Variants in RADIL observed in about 807,000 individuals in gnomAD.
RADIL encodes Rap associating with DIL domain.
A neutral mutation model predicts 97.6 loss-of-function variants in RADIL; 99 were observed. The ratio of observed to expected loss-of-function variants is 1.01; its 90% CI spans 0.86 to 1.20. The LOEUF (loss-of-function observed/expected upper bound fraction) is 1.20, where lower values mean the gene tolerates loss of function less well. RADIL is among the 50% of genes most tolerant of loss of function. The pLI is 0.00. For synonymous variants in RADIL, 803 were observed against 691.8 expected (o/e 1.16, Z -2.52); for missense variants, 1,765 against 1,498.9 (o/e 1.18, Z -2.93).
chr7:4,845,530 G>A (rs1783545282), intron 2 of RADIL, among the ~76,000 whole-genome samples: 1 of 152,196 alleles, frequency 6.6e-6, no homozygotes, highest in African/African-American at 2.4e-5. Flanking sequence ...ACACCAGAAT[G>A]AAAAGCACCA....
At chr7:4,853,506 G>A (rs1489454152) in intron 2 of RADIL, among the ~76,000 whole-genome samples, 1 of 152,122 alleles carries the variant, frequency 6.6e-6, no homozygotes, top group Non-Finnish European at 1.5e-5. Flanking sequence ...ACTTTGGGAG[G>A]CCAGGGCGGG....
Position 4,799,245 on chromosome 7 carries a change from A to T in RADIL, c.*133T>A, listed in dbSNP as rs1256765244. The T allele has an allele frequency of 4.3e-6, 3 of 703,306 alleles. No individual in the cohort carries two copies. The highest frequency in any genetic ancestry group is 7.3e-6 in the Non-Finnish European group (3 of 408,826). The allele number at this position is 703,306 out of a possible 1,614,324, so 43.6% of individuals were successfully genotyped here. A position where few individuals can be genotyped will look rare whatever the true frequency, so the allele number is the denominator to read the frequency against. ...ACTGAGATGCATGTTATCAACAGGC[A>T]TGTCCCCAGGGTGAGGCTCCCCACC... On this transcript the variant is annotated 3_prime_UTR_variant, in exon 15 of 15. Coordinates refer to ENST00000399583, the MANE Select transcript of RADIL (RefSeq NM_018059.5).
At chr7:4,802,799 G>A (rs1247051906) in intron 11 of RADIL, among the ~76,000 whole-genome samples, 4 of 122,498 alleles carry the variant, frequency 3.3e-5, no homozygotes, top group Admixed American at 1.6e-4. Context: ...CAGACACCTC[G>A]GGTCATGCTG....
chr7:4,843,123 C>T (rs1044547659), intron 2 of RADIL, among the ~76,000 whole-genome samples: 1 of 151,242 alleles, frequency 6.6e-6, no homozygotes, highest in Non-Finnish European at 1.5e-5. Context: ...TCTTGTGCCT[C>T]AGTCTCCCGA....
intron 2 of RADIL, chr7:4,859,770 T>A (rs780311978): frequency 4.7e-6 from 3 of 631,586 alleles, no homozygotes; most frequent in Non-Finnish European, 5.6e-6. Context: ...GAGAGGCCAA[T>A]AGAGAAGATG....
chr7:4,800,925 G>A (rs1035468909), intron 12 of RADIL, among the ~76,000 whole-genome samples: 1 of 152,222 alleles, frequency 6.6e-6, no homozygotes, highest in African/African-American at 2.4e-5. Flanking sequence ...CTTCGCTCCT[G>A]CAAGGCACAC....
Position 4,867,556 on chromosome 7 carries a change from G to C in RADIL, c.535+10049C>G, listed in dbSNP as rs540437750. Among the ~76,000 whole-genome samples the C allele has an allele frequency of 3.3e-4, 50 of 152,182 alleles. No individual in the cohort carries two copies. Among genetic ancestry groups the C allele is most frequent in the Middle Eastern group, 3.4e-3 (1 of 294 alleles). ...AGCACTTTGGGAGGCTGAGGTGGGA[G>C]GATCACTTGAGCCCAGGAGTTTGAG... is the stretch of plus-strand genomic sequence containing the variant. On this transcript the variant is annotated intron_variant, in intron 2 of 14. Transcript: ENST00000399583. The surrounding 1 kb of genome is among the most constrained non-coding windows in gnomAD (Gnocchi z 4.1).
At position 4,800,227 on chromosome 7, in the gene RADIL, T is replaced by TGAAGAC. The variant is rs1301613541; in HGVS notation, c.2920_2925dup (p.Val974_Phe975dup). ...GAGGGGCCTCGTTCCAGCTCCACCGTGAAGACGTAGCAGAAGTCCTCGGTG... is the reference window on the plus strand; with the variant it reads ...GAGGGGCCTCGTTCCAGCTCCACCGTGAAGACGAAGACGTAGCAGAAGTCCTCGGTG... On this transcript the variant is annotated inframe_insertion, in exon 13 of 15. Transcript: ENST00000399583. 6.2e-7 allele frequency: 1 copy of TGAAGAC among 1,603,564 alleles called. No individual in the cohort carries two copies. Among genetic ancestry groups the TGAAGAC allele is most frequent in the South Asian group, 1.1e-5 (1 of 89,734 alleles).
In RADIL at chr7:4,803,692, C is replaced by G; in HGVS notation, c.2353G>C (p.Val785Leu). 6.4e-7 allele frequency: 1 copy of G among 1,563,032 alleles called. No homozygotes were observed. Among genetic ancestry groups the G allele is most frequent in the Non-Finnish European group, 8.7e-7 (1 of 1,154,468 alleles). ...PIVLPSDGFQ[V>L]DLEANCLDDS... ...TCCAGGCAGTTGGCTTCCAAGTCCA[C>G]CTGGAAGCCGTCGCTGGGCAGGACG... Residue 785 changes from valine (V) to leucine (L), a missense_variant, in exon 11 of 15, where the codon GTG becomes CTG. Val to Leu is a conservative substitution (Grantham distance 32). Coordinates refer to ENST00000399583, the MANE Select transcript of RADIL (RefSeq NM_018059.5).
chr7:4,827,467 C>G lies in RADIL; in HGVS notation c.1454+4674G>C, dbSNP rs111508656. 1.4e-4 allele frequency among the ~76,000 whole-genome samples: 21 copies of G among 151,720 alleles called. 1 individual carries two copies. Among genetic ancestry groups the G allele is most frequent in the African/African-American group, 4.4e-4 (18 of 41,374 alleles). On this transcript the variant is annotated intron_variant, in intron 5 of 14. Transcript: ENST00000399583. ...CAGAGGTCAGGCGATCAAGACCATC[C>G]TGGCTAACACAGTGAAACCCCGTCT...
In RADIL at chr7:4,880,380, C is replaced by T. The variant is rs1400612173; in HGVS notation, c.-64-2177G>A. On this transcript the variant is annotated intron_variant, in intron 1 of 14. Transcript: ENST00000399583. The surrounding 1 kb of genome is among the most constrained non-coding windows in gnomAD (Gnocchi z 4.5). ...TTTCAGACAGTGCTCACATCACAAA[C>T]GTGCGGCCTGGCCTGTGCACACCAC... Among the ~76,000 whole-genome samples, 2 of 152,206 alleles carry T rather than the reference C, an allele frequency of 1.3e-5. No homozygotes were observed. Among genetic ancestry groups the T allele is most frequent in the Admixed American group, 6.5e-5 (1 of 15,282 alleles).
chr7:4,805,129 A>T (rs1782256648), intron 10 of RADIL: 1 of 166,354 alleles, frequency 6.0e-6, no homozygotes, highest in Non-Finnish European at 1.3e-5. Context: ...ACCCCTATGT[A>T]TGCACGTACA....
intron 2 of RADIL, among the ~76,000 whole-genome samples, chr7:4,843,911 CAAAAAAA>C (rs36122253): frequency 1.4e-4 from 14 of 97,712 alleles, no homozygotes; most frequent in African/African-American, 4.9e-4. Flanking sequence ...GACTCCATTT[CAAAAAAA>C]AAAAAAAAAA....
At chr7:4,862,385 G>A (rs980459883) in intron 2 of RADIL, among the ~76,000 whole-genome samples, 4 of 152,162 alleles carry the variant, frequency 2.6e-5, no homozygotes, top group Non-Finnish European at 2.9e-5. Flanking sequence ...TTCTTGGGCC[G>A]TTGCTGGACA....
chr7:4,799,878 C>G, intron 13 of RADIL, 109 bp from the exon 14 acceptor site: 1 of 1,401,522 alleles, frequency 7.1e-7, no homozygotes, highest in Non-Finnish European at 9.3e-7. Flanking sequence ...TGGCATCCAG[C>G]CAGGCCCACT....
At chr7:4,864,820 A>C (rs1784094222) in intron 2 of RADIL, among the ~76,000 whole-genome samples, 1 of 152,168 alleles carries the variant, frequency 6.6e-6, no homozygotes, top group African/African-American at 2.4e-5. Context: ...CTTCTACAAC[A>C]ACTAAATTAA....
chr7:4,862,914 T>TTAAAAA (rs1298110679), intron 2 of RADIL, among the ~76,000 whole-genome samples: 1 of 132,560 alleles, frequency 7.5e-6, no homozygotes. Flanking sequence ...AAAAATAAAA[T>TTAAAAA]TAAAAATAAA....
At chr7:4,827,918 A>AC (rs1036242758) in intron 5 of RADIL, among the ~76,000 whole-genome samples, 54 of 152,222 alleles carry the variant, frequency 3.5e-4, no homozygotes, top group African/African-American at 1.2e-3. Flanking sequence ...AAACAAACAA[A>AC]AAAAAACGTA....
chr7:4,803,662 TGTC>T lies in RADIL; in HGVS notation c.2380_2382del (p.Asp794del), dbSNP rs1421041890. 1.7e-5 allele frequency: 26 copies of T among 1,552,396 alleles called. No homozygotes were observed. The highest frequency in any genetic ancestry group is 2.3e-5 in the Non-Finnish European group (26 of 1,148,400). On this transcript the variant is annotated inframe_deletion, in exon 11 of 15. Coordinates refer to ENST00000399583, the MANE Select transcript of RADIL (RefSeq NM_018059.5). ...ACGTAGAGCAGGTGCTGGTAGATGC[TGTC>T]GTCCAGGCAGTTGGCTTCCAAGTCC...
Sources: gnomAD v4.1 joint callset for allele counts (sites outside exome capture counted in the v4.1 genomes callset) on GRCh38, gnomAD v4.1.1 for gene constraint, Gnocchi (gnomAD v3.1) non-coding constraint, MANE v1.5 for transcripts, NCBI Gene and HGNC (gene_info 2026-07-23, HGNC 2026-07-21) for gene names.